Variants in ACAP2 observed in about 807,000 individuals in gnomAD.
ACAP2 encodes arf-GAP with coiled-coil, ANK repeat and PH domain-containing protein 2.
In ACAP2, 39 loss-of-function variants were observed where a neutral mutation model predicts 115.8. The ratio of observed to expected loss-of-function variants is 0.34; its 90% confidence interval spans 0.26 to 0.44. ACAP2 has a LOEUF of 0.44. ACAP2 is among the 20% of genes least tolerant of loss of function. ACAP2 has a pLI of 1.00. For synonymous variants in ACAP2, 289 were observed against 315.8 expected, an observed-to-expected ratio of 0.92 and a Z score of 0.90; for missense variants, 662 against 927.6, an observed-to-expected ratio of 0.71 and a Z score of 3.72.
intron 6 of ACAP2, 109 bp downstream of exon 6, chr3:195,342,356 TTTTAAC>T (rs1275781058): frequency 2.9e-5 from 31 of 1,054,150 alleles, no homozygotes; most frequent in East Asian, 5.6e-5. Flanking sequence ...TAAGATTATG[TTTTAAC>T]TTTAAGTTCA....
intron 1 of ACAP2, among the ~76,000 whole-genome samples, chr3:195,430,451 C>T: frequency 6.6e-6 from 1 of 152,072 alleles, no homozygotes; most frequent in Admixed American, 6.6e-5. Flanking sequence ...CAGTGGCTCA[C>T]ACCTGTAATC....
intron 13 of ACAP2, among the ~76,000 whole-genome samples, chr3:195,306,200 TTA>T (rs763783020): frequency 9.9e-5 from 15 of 152,198 alleles, no homozygotes; most frequent in Admixed American, 4.6e-4. Flanking sequence ...TTCATGATCA[TTA>T]TTTTATTTTA....
intron 1 of ACAP2, 65 bp downstream of exon 1, chr3:195,442,730 G>A: frequency 6.7e-7 from 1 of 1,497,328 alleles, no homozygotes; most frequent in Non-Finnish European, 9.0e-7. Context: ...GCGCGGGCCC[G>A]GCTTTCACGC....
At chr3:195,317,070 GTAT>G (rs1351879765) in intron 10 of ACAP2, among the ~76,000 whole-genome samples, 1 of 150,844 alleles carries the variant, frequency 6.6e-6, no homozygotes, top group African/African-American at 2.4e-5. Flanking sequence ...GCTAATTTTT[GTAT>G]TTTTAGTAGA....
chr3:195,344,885 C>T (rs1430114438), intron 5 of ACAP2, among the ~76,000 whole-genome samples: 3 of 152,172 alleles, frequency 2.0e-5, no homozygotes, highest in Non-Finnish European at 2.9e-5. Context: ...AAGAAAATAC[C>T]ACATTGAAAC....
Position 195,442,931 on chromosome 3 carries a change from G to GCGCACGGC in ACAP2, c.-92_-85dup, listed in dbSNP as rs912922455. 2.0e-5 allele frequency: 25 copies of GCGCACGGC among 1,261,664 alleles called. 1 individual carries two copies. In the Admixed American group the frequency reaches 6.9e-4, roughly 35 times the overall value. 78.2% of individuals were successfully genotyped at this position (1,261,664 alleles called of 1,614,324 possible). On this transcript the variant is annotated 5_prime_UTR_variant, in exon 1 of 23. Transcript: ENST00000326793. The stretch of plus-strand genomic sequence containing the variant: ...GCTGGGACGCAGACGGCTACGGCGG[G>GCGCACGGC]CGCACGGCCGCGACTAGCGTTGCGC...
intron 1 of ACAP2, among the ~76,000 whole-genome samples, chr3:195,406,586 C>T (rs919184802): frequency 9.9e-5 from 15 of 152,236 alleles, no homozygotes; most frequent in African/African-American, 3.6e-4. Context: ...CCCACCCTGA[C>T]CTCCCAAAGT....
In ACAP2 at chr3:195,433,918, T is replaced by C. The variant is rs143942392; in HGVS notation, c.53+8877A>G. ...TGGTCTGTAGGGTTTGTTTGCTTTG[T>C]TTTTGGTGGGTTTGTTTCATTTTTG... On this transcript the variant is annotated intron_variant, in intron 1 of 22. Coordinates refer to ENST00000326793, the MANE Select transcript of ACAP2 (RefSeq NM_012287.6). Among the ~76,000 whole-genome samples, 1,260 of 152,120 alleles carry C rather than the reference T, an allele frequency of 8.3e-3. 15 individuals are homozygous for C. The highest frequency in any genetic ancestry group is 0.027 in the African/African-American group (1,106 of 41,490).
At chr3:195,377,138 C>CTTTTTTTTTTTTT (rs749352761) in intron 4 of ACAP2, among the ~76,000 whole-genome samples, 1,375 of 77,078 alleles carry the variant, frequency 0.018, 231 homozygotes, top group East Asian at 0.055. Flanking sequence ...GAATGTAAAT[C>CTTTTTTTTTTTTT]TTTTTTTTTT....
intron 1 of ACAP2, among the ~76,000 whole-genome samples, chr3:195,423,618 G>A (rs1201656044): frequency 6.5e-5 from 6 of 92,522 alleles, no homozygotes; most frequent in Admixed American, 1.6e-4. Flanking sequence ...GTAAGACTCC[G>A]TCTCAAAAAA....
At chr3:195,382,428 C>T (rs548487545) in intron 2 of ACAP2, among the ~76,000 whole-genome samples, 2 of 152,016 alleles carry the variant, frequency 1.3e-5, no homozygotes, top group South Asian at 4.2e-4. Context: ...GCCTTAGTAC[C>T]GGGCTCTTCT....
chr3:195,431,646 A>G (rs2131685), intron 1 of ACAP2, among the ~76,000 whole-genome samples: 44,870 of 146,894 alleles, frequency 0.31, 7,817 homozygotes, highest in East Asian at 0.82. Flanking sequence ...ATGGGGTTTC[A>G]CTATGTTTGG....
intron 1 of ACAP2, among the ~76,000 whole-genome samples, chr3:195,403,371 C>T (rs532788765): frequency 1.3e-4 from 20 of 152,290 alleles, no homozygotes; most frequent in African/African-American, 4.8e-4. Flanking sequence ...AAGGTCTGCA[C>T]CAGAGAAGAA....
At chr3:195,306,472 G>T in intron 13 of ACAP2, 39 bp downstream of exon 13, 2 of 1,350,958 alleles carry the variant, frequency 1.5e-6, no homozygotes, top group African/African-American at 1.5e-5. Flanking sequence ...CAAGAATTTT[G>T]GCAATATATT....
At chr3:195,296,406 A>C (rs1001627525) in intron 16 of ACAP2, among the ~76,000 whole-genome samples, 2 of 152,200 alleles carry the variant, frequency 1.3e-5, no homozygotes, top group Non-Finnish European at 2.9e-5. Flanking sequence ...ATAAAATGCC[A>C]TATCTGTTCT....
At chr3:195,382,058 T>TA in intron 2 of ACAP2, 36 bp from the exon 3 acceptor site, 1 of 1,587,138 alleles carries the variant, frequency 6.3e-7, no homozygotes, top group Non-Finnish European at 8.6e-7. Flanking sequence ...AGGTTGAAGA[T>TA]AGTTTTACAA....
intron 2 of ACAP2, among the ~76,000 whole-genome samples, chr3:195,386,422 G>A (rs1394078978): frequency 6.6e-6 from 1 of 152,054 alleles, no homozygotes; most frequent in Non-Finnish European, 1.5e-5. Context: ...ACAAAAAAGA[G>A]GAATACATTG....
At chr3:195,304,200 C>T (rs981982316) in intron 13 of ACAP2, among the ~76,000 whole-genome samples, 1 of 144,376 alleles carries the variant, frequency 6.9e-6, no homozygotes, top group Non-Finnish European at 1.5e-5. Context: ...AAAAAACTTC[C>T]CTGTAAGTTT....
chr3:195,282,643 C>CAGAAT (rs1276981028), intron 22 of ACAP2: 1 of 152,162 alleles, frequency 6.6e-6, no homozygotes, highest in Non-Finnish European at 1.5e-5. Flanking sequence ...AACAACAACC[C>CAGAAT]AGAATATGCT....
Sources: gnomAD v4.1 joint callset for allele counts (sites outside exome capture counted in the v4.1 genomes callset) on GRCh38, gnomAD v4.1.1 for gene constraint, MANE v1.5 for transcripts, NCBI Gene and HGNC (gene_info 2026-07-23, HGNC 2026-07-21) for gene names.